The following TMPRSS15 variants were observed in gnomAD, a reference collection of about 807,000 sequenced individuals.
The protein encoded by TMPRSS15 is enteropeptidase.
Under a neutral mutation model 125.3 loss-of-function variants are expected in TMPRSS15, and 128 were observed. That is an observed-to-expected ratio of 1.02 (90% confidence interval 0.89 to 1.18). The LOEUF (loss-of-function observed/expected upper bound fraction) is 1.18. TMPRSS15 is among the 50% of genes most tolerant of loss of function. The probability of loss-of-function intolerance (pLI) is 0.00; values close to 1 mark genes in which losing one functional copy is unlikely to be tolerated. For synonymous variants in TMPRSS15, 446 were observed against 423.2 expected (o/e 1.05, Z -0.66); for missense variants, 1,283 against 1,212.7 (o/e 1.06, Z -0.86).
chr21:18,397,535 A>G (rs1452853807), intron 3 of TMPRSS15, among the ~76,000 whole-genome samples: 1 of 152,136 alleles, frequency 6.6e-6, no homozygotes, highest in Non-Finnish European at 1.5e-5. Flanking sequence ...TATAGTATAA[A>G]TGAAGCAGGG....
At chr21:18,467,949 G>C (rs531075881) in intron 1 of TMPRSS15, among the ~76,000 whole-genome samples, 2 of 151,958 alleles carry the variant, frequency 1.3e-5, no homozygotes, top group African/African-American at 4.8e-5. Context: ...AAACAGAAGA[G>C]AAAAAGAAAG....
chr21:18,315,329 T>C, intron 16 of TMPRSS15, 73 bp from the exon 17 acceptor site: 3 of 1,281,336 alleles, frequency 2.3e-6, no homozygotes, highest in South Asian at 2.5e-5. Context: ...CAAATCCCAT[T>C]TGCTCCCCTT....
chr21:18,432,320 A>C (rs141717006), intron 1 of TMPRSS15, among the ~76,000 whole-genome samples: 1 of 152,270 alleles, frequency 6.6e-6, no homozygotes, highest in Non-Finnish European at 1.5e-5. Flanking sequence ...CTATTTATGT[A>C]ATATTTAGTA....
rs571792561 is a variant in TMPRSS15 at position 18,383,640 on chromosome 21, G to T, written c.483C>A (p.Ser161Arg). 2 of 1,613,672 alleles carry T rather than the reference G, an allele frequency of 1.2e-6. No individual in the cohort carries two copies. Among genetic ancestry groups the T allele is most frequent in the South Asian group, 1.1e-5 (1 of 91,058 alleles). The change falls in exon 4 of 25, where the codon AGC becomes AGA. Residue 161 changes from serine (S) to arginine (R), a missense_variant. Physicochemically the swap from Ser to Arg is moderately radical, Grantham distance 110. Coordinates refer to ENST00000284885, the MANE Select transcript of TMPRSS15 (RefSeq NM_002772.3). ...GTTCACACATACCTAGGATATCAAC[G>T]CTGTTCAAATCAATATGGAAAGTGA... is the stretch of plus-strand genomic sequence containing the variant. ...QLVTFHIDLN[S>R]VDILDKLTTT... is the part of the protein sequence containing the mutation.
intron 18 of TMPRSS15, among the ~76,000 whole-genome samples, chr21:18,302,398 T>C (rs1292893164): frequency 1.3e-5 from 2 of 152,138 alleles, no homozygotes; most frequent in Non-Finnish European, 2.9e-5. Flanking sequence ...AGTAAAGGCA[T>C]GTGGGCAGGT....
intron 16 of TMPRSS15, among the ~76,000 whole-genome samples, chr21:18,323,869 A>C (rs2075264566): frequency 6.6e-6 from 1 of 152,158 alleles, no homozygotes; most frequent in Admixed American, 6.5e-5. Context: ...CAGTTATTGA[A>C]CCTTGTATAT....
intron 24 of TMPRSS15, among the ~76,000 whole-genome samples, chr21:18,271,511 T>C (rs1246406675): frequency 2.6e-5 from 4 of 152,212 alleles, no homozygotes; most frequent in Non-Finnish European, 5.9e-5. Flanking sequence ...TTGGGAGACC[T>C]CAGTCTGTTT....
intron 1 of TMPRSS15, among the ~76,000 whole-genome samples, chr21:18,477,171 C>G (rs1978896346): frequency 6.6e-6 from 1 of 152,098 alleles, no homozygotes; most frequent in Admixed American, 6.6e-5. Flanking sequence ...AGGTTCCAAA[C>G]CAATCTTACC....
intron 5 of TMPRSS15, among the ~76,000 whole-genome samples, chr21:18,377,883 G>T (rs1225453823): frequency 1.3e-5 from 2 of 152,060 alleles, no homozygotes. Context: ...TTGGGCAGAT[G>T]TTTCAGCCAA....
intron 8 of TMPRSS15, among the ~76,000 whole-genome samples, chr21:18,358,095 AGTCAC>A (rs2075643410): frequency 6.6e-6 from 1 of 151,814 alleles, no homozygotes; most frequent in Non-Finnish European, 1.5e-5. Flanking sequence ...ATTGCATATT[AGTCAC>A]ATCTCTATGG....
chr21:18,438,948 G>A (rs529056907), intron 1 of TMPRSS15, among the ~76,000 whole-genome samples: 1 of 152,246 alleles, frequency 6.6e-6, no homozygotes, highest in African/African-American at 2.4e-5. Flanking sequence ...AAGCCCAGTA[G>A]TCTACATGAT....
intron 21 of TMPRSS15, among the ~76,000 whole-genome samples, chr21:18,291,620 T>C (rs2074835939): frequency 6.6e-6 from 1 of 152,206 alleles, no homozygotes; most frequent in South Asian, 2.1e-4. Context: ...AATTAGGCTT[T>C]TAAAGAGACA....
chr21:18,335,455 G>A (rs985766856), intron 13 of TMPRSS15, among the ~76,000 whole-genome samples: 1 of 152,152 alleles, frequency 6.6e-6, no homozygotes, highest in Non-Finnish European at 1.5e-5. Context: ...TGAGTATGTA[G>A]GATGTTAATG....
intron 5 of TMPRSS15, among the ~76,000 whole-genome samples, chr21:18,373,574 A>G (rs2075813335): frequency 6.6e-6 from 1 of 152,244 alleles, no homozygotes; most frequent in African/African-American, 2.4e-5. Context: ...AGAATCTCAT[A>G]CATGCTTTAT....
At chr21:18,289,579 A>G (rs1054985708) in intron 21 of TMPRSS15, among the ~76,000 whole-genome samples, 1 of 152,238 alleles carries the variant, frequency 6.6e-6, no homozygotes, top group Non-Finnish European at 1.5e-5. Flanking sequence ...TACCTCATAT[A>G]TGAAATTATT....
At chr21:18,336,749 G>A (rs2146977215) in intron 13 of TMPRSS15, among the ~76,000 whole-genome samples, 1 of 152,248 alleles carries the variant, frequency 6.6e-6, no homozygotes, top group African/African-American at 2.4e-5. Context: ...TAGTGCACCC[G>A]AGCCTTGAAC....
chr21:18,323,102 C>G (rs901668643), intron 16 of TMPRSS15, among the ~76,000 whole-genome samples: 1 of 152,112 alleles, frequency 6.6e-6, no homozygotes, highest in Admixed American at 6.6e-5. Context: ...CCATTTTCCT[C>G]TTTTCAAGTC....
In TMPRSS15 at chr21:18,325,091, C is replaced by CACAT. The variant is rs372933208; in HGVS notation, c.1921+1340_1921+1341insATGT. ...TTCTCGCCACACACACACACACACA[C>CACAT]GCTTATGTAAATACATATCTATTGA... On this transcript the variant is annotated intron_variant, in intron 16 of 24. Coordinates refer to ENST00000284885, the MANE Select transcript of TMPRSS15 (RefSeq NM_002772.3). Among the ~76,000 whole-genome samples, 548 of 152,000 alleles carry CACAT rather than the reference C, an allele frequency of 3.6e-3. 1 individual carries two copies. The highest frequency in any genetic ancestry group is 0.012 in the African/African-American group (518 of 41,450).
chr21:18,446,071 C>G (rs1361591201), intron 1 of TMPRSS15, among the ~76,000 whole-genome samples: 1 of 152,148 alleles, frequency 6.6e-6, no homozygotes, highest in African/African-American at 2.4e-5. Context: ...CAAGACTCAA[C>G]CAAACCACTG....
Sources: gnomAD v4.1 joint callset for allele counts (sites outside exome capture counted in the v4.1 genomes callset) on GRCh38, gnomAD v4.1.1 for gene constraint, MANE v1.5 for transcripts, NCBI Gene and HGNC (gene_info 2026-07-23, HGNC 2026-07-21) for gene names.